The following GFRA1 variants were observed in gnomAD, a reference collection of about 807,000 sequenced individuals.
GFRA1 encodes the protein GDNF family receptor alpha 1, also known as GDNF family receptor alpha-1.
A neutral mutation model predicts 51.6 loss-of-function variants in GFRA1; 16 were observed. The ratio of observed to expected loss-of-function variants is 0.31; its 90% CI spans 0.21 to 0.47. The LOEUF (loss-of-function observed/expected upper bound fraction) is 0.47, where lower values mean the gene tolerates loss of function less well. Ranked by LOEUF, GFRA1 falls within the 20% of genes least tolerant of loss-of-function variation. The probability of loss-of-function intolerance (pLI) is 1.00; values close to 1 mark genes in which losing one functional copy is unlikely to be tolerated. For synonymous variants in GFRA1, 270 were observed against 241.3 expected (o/e 1.12, Z -1.10); for missense variants, 530 against 594.3 (o/e 0.89, Z 1.13).
chr10:116,255,845 T>A, intron 4 of GFRA1: 1 of 858,290 alleles, frequency 1.2e-6, no homozygotes, highest in Non-Finnish European at 1.6e-6. Context: ...ACTGCTTAAG[T>A]GTAGAGTAGA....
At position 116,105,152 on chromosome 10, in the gene GFRA1, T is replaced by C. The variant is rs78109518; in HGVS notation, c.771-8388A>G. ...GAAAAGAAATGGAAAGTTTTGTGGA[T>C]GATGAAAGGATCATAAAGCTCTCAG... On this transcript the variant is annotated intron_variant, in intron 6 of 10. Transcript: ENST00000355422. Among the ~76,000 whole-genome samples the C allele has an allele frequency of 4.2e-3, 640 of 152,356 alleles. 3 individuals carry two copies. Among genetic ancestry groups the C allele is most frequent in the African/African-American group, 0.015 (612 of 41,602 alleles).
intron 5 of GFRA1, among the ~76,000 whole-genome samples, chr10:116,149,559 G>A (rs1241853369): frequency 6.6e-6 from 1 of 152,084 alleles, no homozygotes; most frequent in Non-Finnish European, 1.5e-5. Context: ...AATATAAAAC[G>A]TATTCTCTCG....
At chr10:116,122,778 C>T (rs181601007) in intron 6 of GFRA1, among the ~76,000 whole-genome samples, 139 of 152,314 alleles carry the variant, frequency 9.1e-4, no homozygotes, top group African/African-American at 3.3e-3. Flanking sequence ...TCTCCCACCT[C>T]CCAGCCATCG....
At chr10:116,140,062 T>C (rs1233807436) in intron 5 of GFRA1, among the ~76,000 whole-genome samples, 1 of 152,178 alleles carries the variant, frequency 6.6e-6, no homozygotes, top group Non-Finnish European at 1.5e-5. Context: ...TTGGGCAATC[T>C]TCTTCCCGTG....
chr10:116,139,252 T>A (rs1273211648), intron 5 of GFRA1, among the ~76,000 whole-genome samples: 2 of 152,228 alleles, frequency 1.3e-5, no homozygotes, highest in East Asian at 3.8e-4. Flanking sequence ...CCTGAGCTTT[T>A]CACACAAGCA....
intron 5 of GFRA1, among the ~76,000 whole-genome samples, chr10:116,148,128 G>GTGTGTGCATGCGTGTGTGCAT (rs1565610771): frequency 3.3e-5 from 5 of 150,844 alleles, no homozygotes; most frequent in African/African-American, 1.2e-4. Context: ...GCATGTGTGT[G>GTGTGTGCATGCGTGTGTGCAT]GGGTGGGGGG....
At chr10:116,230,904 A>T (rs1966638824) in intron 4 of GFRA1, among the ~76,000 whole-genome samples, 1 of 152,182 alleles carries the variant, frequency 6.6e-6, no homozygotes, top group African/African-American at 2.4e-5. Flanking sequence ...CTGTGGAAAG[A>T]CAGAACATCT....
chr10:116,198,351 T>C (rs1214328935), intron 5 of GFRA1, among the ~76,000 whole-genome samples: 1 of 152,172 alleles, frequency 6.6e-6, no homozygotes, highest in African/African-American at 2.4e-5. Context: ...CCTGCAATCC[T>C]TCAGAGATTC....
At chr10:116,182,654 T>A (rs1172810233) in intron 5 of GFRA1, among the ~76,000 whole-genome samples, 1 of 152,232 alleles carries the variant, frequency 6.6e-6, no homozygotes, top group Non-Finnish European at 1.5e-5. Flanking sequence ...AACTGCCATC[T>A]GCTTCATGTC....
chr10:116,165,659 T>TCACACA (rs945618435), intron 5 of GFRA1, among the ~76,000 whole-genome samples: 1 of 32,428 alleles, frequency 3.1e-5, no homozygotes, highest in Admixed American at 4.1e-4. Context: ...GCTCTTTCTC[T>TCACACA]CACTCTCACA....
intron 4 of GFRA1, among the ~76,000 whole-genome samples, chr10:116,226,985 A>C (rs2134536258): frequency 6.6e-6 from 1 of 152,272 alleles, no homozygotes; most frequent in South Asian, 2.1e-4. Context: ...GCGGCTGTAA[A>C]TACAGATGAA....
rs1406138173 is a variant in GFRA1, at chr10:116,112,540, T to TAAGA, written c.770+12677_770+12680dup. Among the ~76,000 whole-genome samples the TAAGA allele has an allele frequency of 2.0e-5, 3 of 152,168 alleles. No homozygotes were observed. In the East Asian group the frequency reaches 5.8e-4, roughly 29 times the overall value. On this transcript the variant is annotated intron_variant, in intron 6 of 10. Transcript: ENST00000355422. ...GCACTCTCCCCAAGCCCCTACTTGG[T>TAAGA]AAGAGAAAAGCTCCACTGAACCCTT...
At chr10:116,206,625 T>C (rs1201992192) in intron 5 of GFRA1, among the ~76,000 whole-genome samples, 3 of 64,928 alleles carry the variant, frequency 4.6e-5, no homozygotes, top group East Asian at 6.3e-4. Context: ...ACATTCTCTT[T>C]TTTTTTTTTT....
Position 116,062,955 on chromosome 10 carries a change from C to T in GFRA1, c.*1443G>A, listed in dbSNP as rs1353265937. On this transcript the variant is annotated 3_prime_UTR_variant, in exon 11 of 11. Transcript: ENST00000355422. ...TTGATCCACAAACCTTCCTTCTCTT[C>T]TAACATGGTCTGCAGTCTGTCACGG... 1 of 152,238 alleles carries T rather than the reference C, an allele frequency of 6.6e-6. No homozygotes were observed. The highest frequency in any genetic ancestry group is 2.4e-5 in the African/African-American group (1 of 41,462). The allele number at this position is 152,238 out of a possible 1,614,324, so 9.4% of individuals were successfully genotyped here. A position where few individuals can be genotyped will look rare whatever the true frequency, so the allele number is the denominator to read the frequency against.
At chr10:116,115,593 G>A (rs747589371) in intron 6 of GFRA1, among the ~76,000 whole-genome samples, 12 of 152,124 alleles carry the variant, frequency 7.9e-5, no homozygotes, top group Non-Finnish European at 1.5e-4. Flanking sequence ...TGTAACTAAG[G>A]GGACAGATTT....
chr10:116,239,755 T>C (rs1239579417), intron 4 of GFRA1, among the ~76,000 whole-genome samples: 1 of 152,220 alleles, frequency 6.6e-6, no homozygotes, highest in African/African-American at 2.4e-5. Context: ...GCTGCTGATC[T>C]TCATCAAAAG....
chr10:116,070,914 TG>T (rs1955360327), intron 9 of GFRA1, among the ~76,000 whole-genome samples: 2 of 152,174 alleles, frequency 1.3e-5, no homozygotes. Flanking sequence ...CCTGGAGGTT[TG>T]CTTTTCCTAC....
intron 4 of GFRA1, among the ~76,000 whole-genome samples, chr10:116,248,630 T>C (rs74609283): frequency 6.6e-6 from 1 of 152,168 alleles, no homozygotes; most frequent in East Asian, 1.9e-4. Flanking sequence ...AACTGTGGAG[T>C]TTGCAAAGCA....
chr10:116,128,097 T>G (rs11597916), intron 5 of GFRA1, among the ~76,000 whole-genome samples: 1 of 151,962 alleles, frequency 6.6e-6, no homozygotes, highest in Admixed American at 6.6e-5. Flanking sequence ...TACATGGCAC[T>G]CAGTAATACA....
Sources: allele counts gnomAD v4.1 joint callset (sites outside exome capture counted in the v4.1 genomes callset), GRCh38; gene constraint gnomAD v4.1.1; transcripts MANE v1.5; gene names NCBI Gene and HGNC (gene_info 2026-07-23, HGNC 2026-07-21).